Variants in KLHL13 observed in about 807,000 individuals in gnomAD.
The protein encoded by KLHL13 is kelch-like protein 13.
Under a neutral mutation model 37.1 loss-of-function variants are expected in KLHL13, and 10 were observed. That is an observed-to-expected ratio of 0.27 (90% CI 0.17 to 0.46). The LOEUF is 0.46. KLHL13 is among the 20% of genes least tolerant of loss of function. The pLI is 1.00. For synonymous variants in KLHL13, 163 were observed against 181.2 expected, an observed-to-expected ratio of 0.90 and a Z score of 0.81; for missense variants, 360 against 509.3, an observed-to-expected ratio of 0.71 and a Z score of 2.82.
chrX:117,942,401 T>A (rs1229178162), intron 2 of KLHL13, among the ~76,000 whole-genome samples: 1 of 111,392 alleles, frequency 9.0e-6, no homozygotes. Context: ...TTCTGTCTCA[T>A]TAATCTGTCT....
Position 117,961,045 on chromosome X carries a change from C to T in KLHL13, c.98+11686G>A, listed in dbSNP as rs192143921. Among the ~76,000 whole-genome samples, 169 of 112,027 alleles carry T rather than the reference C, an allele frequency of 1.5e-3. 2 individuals are homozygous for T. The highest frequency in any genetic ancestry group is 5.3e-3 in the African/African-American group (164 of 30,927). On this transcript the variant is annotated intron_variant, in intron 1 of 6. Coordinates refer to ENST00000262820, the Ensembl canonical transcript of KLHL13. The stretch of plus-strand genomic sequence containing the variant: ...TAAATAACTAGCATCTTCAATTTCA[C>T]TCATATCTGTATTTTATATGATTGT...
intron 1 of KLHL13, among the ~76,000 whole-genome samples, chrX:118,045,562 G>A (rs2054551383): frequency 9.0e-6 from 1 of 110,674 alleles, no homozygotes; most frequent in Non-Finnish European, 1.9e-5. Context: ...CCAGCACTTT[G>A]GGAGGCTGAG....
intron 1 of KLHL13, among the ~76,000 whole-genome samples, chrX:118,079,462 T>C (rs1569310920): frequency 9.0e-6 from 1 of 110,838 alleles, no homozygotes; most frequent in Non-Finnish European, 1.9e-5. Flanking sequence ...ACAAAACCAA[T>C]GTATGAAAAT....
chrX:117,916,868 C>T (rs1437503376), intron 4 of KLHL13, among the ~76,000 whole-genome samples: 1 of 111,538 alleles, frequency 9.0e-6, no homozygotes, highest in African/African-American at 3.3e-5. Context: ...TTCAGCACAC[C>T]GTTCTTAAAC....
chrX:117,982,592 T>C (rs1322798677), intron 1 of KLHL13, among the ~76,000 whole-genome samples: 2 of 111,984 alleles, frequency 1.8e-5, no homozygotes, highest in African/African-American at 3.2e-5. Context: ...AAAAGTTCTT[T>C]ACCTTTAAGG....
At chrX:117,908,378 T>C (rs1930708577) in intron 5 of KLHL13, among the ~76,000 whole-genome samples, 1 of 109,150 alleles carries the variant, frequency 9.2e-6, no homozygotes, top group South Asian at 4.0e-4. Flanking sequence ...TTTCTCCTAA[T>C]GCTATCCCTC....
At chrX:117,990,639 G>A (rs912550994) in intron 1 of KLHL13, among the ~76,000 whole-genome samples, 2 of 111,581 alleles carry the variant, frequency 1.8e-5, no homozygotes, top group African/African-American at 6.5e-5. Flanking sequence ...AAATGAAATA[G>A]CAAATTCAAC....
At chrX:118,074,939 T>C (rs1326477229) in intron 1 of KLHL13, among the ~76,000 whole-genome samples, 1 of 111,944 alleles carries the variant, frequency 8.9e-6, no homozygotes, top group Non-Finnish European at 1.9e-5. Context: ...GGGGAAATAA[T>C]ACATTGTAAA....
At chrX:117,998,003 C>T (rs1183302219) in intron 1 of KLHL13, among the ~76,000 whole-genome samples, 1 of 111,102 alleles carries the variant, frequency 9.0e-6, no homozygotes, top group Non-Finnish European at 1.9e-5. Context: ...TCTTTTATAT[C>T]GCTGCCTCAC....
chrX:117,920,510 A>G (rs1931631579), intron 2 of KLHL13, 140 bp from the exon 4 acceptor site: 1 of 570,947 alleles, frequency 1.8e-6, no homozygotes, highest in African/African-American at 2.4e-5. Context: ...AGAAGAAAAA[A>G]TAACTGCACA....
intron 1 of KLHL13, chrX:117,946,772 T>C (rs1464688547): frequency 8.9e-6 from 1 of 112,368 alleles, no homozygotes. Context: ...CAGAAAGGTT[T>C]CACCTTTTTT....
At chrX:118,011,594 A>T (rs2054069679) in intron 1 of KLHL13, among the ~76,000 whole-genome samples, 1 of 111,092 alleles carries the variant, frequency 9.0e-6, no homozygotes, top group African/African-American at 3.3e-5. Flanking sequence ...TTGGAGAAAT[A>T]ATTGGGAAGG....
chrX:118,033,387 A>G (rs868425845), intron 1 of KLHL13, among the ~76,000 whole-genome samples: 2 of 111,869 alleles, frequency 1.8e-5, no homozygotes, highest in Non-Finnish European at 3.8e-5. Context: ...GACTAACAGC[A>G]GATCTCTCGG....
chrX:118,049,620 C>G (rs940005682), intron 1 of KLHL13, among the ~76,000 whole-genome samples: 1 of 109,985 alleles, frequency 9.1e-6, no homozygotes, highest in South Asian at 4.0e-4. Context: ...ATTGATAGGT[C>G]TATCTGGTAT....
upstream of KLHL13, among the ~76,000 whole-genome samples, chrX:117,974,440 G>A (rs765541421): frequency 3.8e-4 from 43 of 112,040 alleles, no homozygotes; most frequent in East Asian, 2.5e-3. Context: ...AATAGTTAGC[G>A]TTCGAATATT....
Position 117,964,683 on chromosome X carries a change from C to A in KLHL13, c.98+8048G>T, listed in dbSNP as rs373957206. ...ACATGTGCCATGTTGGTGTGCTGCA[C>A]CCATTAACTCGTCATTTAACATTAG... On this transcript the variant is annotated intron_variant, in intron 1 of 6. Transcript: ENST00000262820. 2.2e-4 allele frequency among the ~76,000 whole-genome samples: 24 copies of A among 111,485 alleles called. No homozygotes were observed. The East Asian group carries it at 6.5e-3, about 30-fold the overall frequency.
At chrX:117,928,339 T>C (rs1253537313) in intron 2 of KLHL13, among the ~76,000 whole-genome samples, 1 of 112,107 alleles carries the variant, frequency 8.9e-6, no homozygotes, top group Non-Finnish European at 1.9e-5. Flanking sequence ...GAAACAACAC[T>C]ATCAACCAAC....
intron 1 of KLHL13, among the ~76,000 whole-genome samples, chrX:118,033,864 C>T (rs2054396029): frequency 9.4e-6 from 1 of 106,013 alleles, no homozygotes; most frequent in Admixed American, 1.0e-4. Flanking sequence ...TGCAGAGACA[C>T]ACATAGGCTC....
intron 1 of KLHL13, among the ~76,000 whole-genome samples, chrX:118,107,521 C>A (rs1476839199): frequency 8.9e-6 from 1 of 111,994 alleles, no homozygotes; most frequent in Non-Finnish European, 1.9e-5. Flanking sequence ...AATTTAGCCA[C>A]AAATCTATGA....
Sources: gnomAD v4.1 joint callset for allele counts (sites outside exome capture counted in the v4.1 genomes callset) on GRCh38, gnomAD v4.1.1 for gene constraint, MANE v1.5 for transcripts, NCBI Gene and HGNC (gene_info 2026-07-23, HGNC 2026-07-21) for gene names.